Variants in NEGR1 observed in about 807,000 individuals in gnomAD.
NEGR1 encodes neuronal growth regulator 1, also known as IgLON family member 4.
In NEGR1, 10 loss-of-function variants were observed where a neutral mutation model predicts 40.9. That is an observed-to-expected ratio of 0.24 (90% CI 0.15 to 0.42). NEGR1 has a LOEUF of 0.42. Ranked by LOEUF, NEGR1 falls within the 10% of genes least tolerant of loss-of-function variation. NEGR1 has a pLI of 1.00. For synonymous variants in NEGR1, 185 were observed against 166.8 expected (o/e 1.11, Z -0.84); for missense variants, 352 against 438.9 (o/e 0.80, Z 1.77).
chr1:71,837,755 A>G (rs926608621), intron 2 of NEGR1, among the ~76,000 whole-genome samples: 2 of 152,144 alleles, frequency 1.3e-5, no homozygotes, highest in Non-Finnish European at 2.9e-5. Flanking sequence ...ATTAACATCT[A>G]TTTAAAGCAG....
At chr1:71,875,625 C>T (rs139897958) in intron 2 of NEGR1, among the ~76,000 whole-genome samples, 1 of 152,154 alleles carries the variant, frequency 6.6e-6, no homozygotes, top group Non-Finnish European at 1.5e-5. Context: ...TGTTACCTTA[C>T]TCTTTCAGCC....
chr1:72,228,101 C>A (rs1485110643), intron 1 of NEGR1, among the ~76,000 whole-genome samples: 2 of 152,134 alleles, frequency 1.3e-5, no homozygotes, highest in African/African-American at 4.8e-5. Context: ...AAGCCTCCCG[C>A]TGAGCCTCCA....
At chr1:72,063,738 G>A (rs540994279) in intron 1 of NEGR1, among the ~76,000 whole-genome samples, 4 of 152,006 alleles carry the variant, frequency 2.6e-5, no homozygotes, top group Non-Finnish European at 4.4e-5. Flanking sequence ...CATCCTAAAA[G>A]TAGAATCCAG....
At chr1:71,873,866 CTGTT>C (rs1447237527) in intron 2 of NEGR1, among the ~76,000 whole-genome samples, 1 of 152,110 alleles carries the variant, frequency 6.6e-6, no homozygotes, top group East Asian at 1.9e-4. Context: ...GACAGAAACT[CTGTT>C]GTGTTGGGCT....
In NEGR1 at chr1:72,086,146, T is replaced by C. The variant is rs184590045; in HGVS notation, c.177-150835A>G. Among the ~76,000 whole-genome samples the C allele has an allele frequency of 5.9e-5, 9 of 152,252 alleles. No individual in the cohort carries two copies. The East Asian group carries it at 1.7e-3, about 29-fold the overall frequency. On this transcript the variant is annotated intron_variant, in intron 1 of 6. Transcript: ENST00000357731. ...GTATGATTATCAACCATATGATATT[T>C]ATAGCAATTTCGATATTATAATGAA... is the stretch of plus-strand genomic sequence containing the variant.
intron 1 of NEGR1, among the ~76,000 whole-genome samples, chr1:72,069,379 G>C (rs1348279395): frequency 6.6e-6 from 1 of 152,050 alleles, no homozygotes; most frequent in African/African-American, 2.4e-5. Context: ...AGAAGGCAGA[G>C]GTTGCAGTGT....
chr1:71,610,749 A>G (rs1049425032), intron 5 of NEGR1, among the ~76,000 whole-genome samples: 4 of 152,134 alleles, frequency 2.6e-5, no homozygotes, highest in African/African-American at 7.2e-5. Context: ...CTGAGTTGCC[A>G]GCAACTCAGT....
At chr1:72,195,994 C>G (rs1001815906) in intron 1 of NEGR1, among the ~76,000 whole-genome samples, 1 of 151,996 alleles carries the variant, frequency 6.6e-6, no homozygotes, top group African/African-American at 2.4e-5. Context: ...CACTCACTCC[C>G]TTCTTTTTTC....
intron 1 of NEGR1, among the ~76,000 whole-genome samples, chr1:72,029,647 A>G (rs1646840461): frequency 6.6e-6 from 1 of 152,226 alleles, no homozygotes; most frequent in African/African-American, 2.4e-5. Context: ...TTGAAGAATT[A>G]TTCGAACTTT....
intron 1 of NEGR1, among the ~76,000 whole-genome samples, chr1:71,995,353 G>A (rs1019590395): frequency 4.6e-5 from 7 of 152,044 alleles, no homozygotes; most frequent in South Asian, 2.1e-4. Flanking sequence ...ATGAAAAAAC[G>A]GTTCTATGTA....
At chr1:71,917,353 C>T (rs1661612616) in intron 2 of NEGR1, among the ~76,000 whole-genome samples, 1 of 152,114 alleles carries the variant, frequency 6.6e-6, no homozygotes, top group Non-Finnish European at 1.5e-5. Context: ...AAATATATAG[C>T]TTTCTATTTG....
rs1646282444 is a variant in NEGR1, at chr1:71,406,995, A to C, written c.*451T>G. ...AGGCAATATTATTTGCTTTTTTATC[A>C]AAAAAGAAAAAAATGCATCTTTGTA... is the stretch of plus-strand genomic sequence containing the variant. On this transcript the variant is annotated 3_prime_UTR_variant, in exon 7 of 7. Transcript: ENST00000357731. 1 of 152,512 alleles carries C rather than the reference A, an allele frequency of 6.6e-6. No homozygotes were observed. Among genetic ancestry groups the C allele is most frequent in the Non-Finnish European group, 1.5e-5 (1 of 67,984 alleles). 9.4% of individuals were successfully genotyped at this position (152,512 alleles called of 1,614,324 possible). A position where few individuals can be genotyped will look rare whatever the true frequency, so the allele number is the denominator to read the frequency against.
Position 71,407,376 on chromosome 1 carries a change from C to G in NEGR1, c.*70G>C. 1 of 1,483,178 alleles carries G rather than the reference C, an allele frequency of 6.7e-7. No homozygotes were observed. Among genetic ancestry groups the G allele is most frequent in the Admixed American group, 1.8e-5 (1 of 54,484 alleles). 91.9% of individuals were successfully genotyped at this position (1,483,178 alleles called of 1,614,324 possible). A position where few individuals can be genotyped will look rare whatever the true frequency, so the allele number is the denominator to read the frequency against. ...TATATCCCACGCTGCTTTTAACAAA[C>G]TGTACCAGATTGGATCCAGCCATCA... On this transcript the variant is annotated 3_prime_UTR_variant, in exon 7 of 7. Coordinates refer to ENST00000357731, the MANE Select transcript of NEGR1 (RefSeq NM_173808.3).
At chr1:71,730,470 T>A (rs1654822040) in intron 3 of NEGR1, among the ~76,000 whole-genome samples, 1 of 150,550 alleles carries the variant, frequency 6.6e-6, no homozygotes, top group South Asian at 2.1e-4. Context: ...AGTTTTCAAG[T>A]CATATAAGAT....
intron 2 of NEGR1, among the ~76,000 whole-genome samples, chr1:71,879,879 A>C (rs1660535171): frequency 6.6e-6 from 1 of 152,154 alleles, no homozygotes; most frequent in African/African-American, 2.4e-5. Context: ...CCCAATTTAG[A>C]AACATTAAAC....
chr1:71,532,124 C>A (rs1647375213), intron 6 of NEGR1, among the ~76,000 whole-genome samples: 1 of 151,502 alleles, frequency 6.6e-6, no homozygotes, highest in South Asian at 2.1e-4. Flanking sequence ...TTTAGCATTT[C>A]CACTTTCTTC....
intron 6 of NEGR1, among the ~76,000 whole-genome samples, chr1:71,442,190 T>C (rs1331333493): frequency 6.7e-6 from 1 of 149,720 alleles, no homozygotes; most frequent in African/African-American, 2.4e-5. Context: ...AATTTAAATA[T>C]GAAACATTTA....
intron 4 of NEGR1, among the ~76,000 whole-genome samples, chr1:71,664,549 T>C (rs978621368): frequency 6.6e-6 from 1 of 152,164 alleles, no homozygotes; most frequent in Non-Finnish European, 1.5e-5. Flanking sequence ...CATGGGAATT[T>C]AGAAGAGAAG....
chr1:72,041,344 A>C (rs183065850), intron 1 of NEGR1, among the ~76,000 whole-genome samples: 1 of 150,520 alleles, frequency 6.6e-6, no homozygotes, highest in African/African-American at 2.4e-5. Context: ...TAGCTTTGGT[A>C]TTTTGGTGTC....
Sources: allele counts gnomAD v4.1 joint callset (sites outside exome capture counted in the v4.1 genomes callset), GRCh38; gene constraint gnomAD v4.1.1; transcripts MANE v1.5; gene names NCBI Gene and HGNC (gene_info 2026-07-23, HGNC 2026-07-21).